The following ANO7 variants were observed in gnomAD, a reference collection of about 807,000 sequenced individuals.
ANO7 encodes anoctamin-7.
In ANO7, 114 loss-of-function variants were observed where a neutral mutation model predicts 115.8. The ratio of observed to expected loss-of-function variants is 0.98; its 90% CI spans 0.85 to 1.15. The LOEUF (loss-of-function observed/expected upper bound fraction) is 1.15. Among genes scored for constraint, ANO7 ranks in the 50% most tolerant of loss-of-function variants. The probability of loss-of-function intolerance (pLI) is 0.00; values close to 1 mark genes in which losing one functional copy is unlikely to be tolerated. For missense variants in ANO7, 1,302 were observed against 1,201.2 expected, an observed-to-expected ratio of 1.08 and a Z score of -1.24; for synonymous variants, 550 against 498.2, an observed-to-expected ratio of 1.10 and a Z score of -1.38.
intron 4 of ANO7, among the ~76,000 whole-genome samples, chr2:241,198,945 G>A (rs2068404624): frequency 6.6e-6 from 1 of 152,234 alleles, no homozygotes; most frequent in Non-Finnish European, 1.5e-5. Flanking sequence ...GACGTTCGAT[G>A]TTGAAAACCA....
At chr2:241,239,471 G>A in the ANO7 span, 3 of 692,390 alleles carry the variant, frequency 4.3e-6, no homozygotes, top group East Asian at 2.6e-5. This position sits in a 1 kb window ranked among gnomAD's most constrained non-coding sequence, Gnocchi z 4.6. Context: ...GCACCAGAAA[G>A]CCCCTTCTGA....
In ANO7 at chr2:241,195,751, A is replaced by G. The variant is rs199644599; in HGVS notation, c.215A>G (p.Gln72Arg). ...GAGGACCTGAAGCTAGACAGGCAGC[A>G]GGACAGTGCCGCCCGGGACAGAACA... Reference protein sequence around the residue: ...WEEDLKLDRQQDSAARDRTDM... With the variant: ...WEEDLKLDRQRDSAARDRTDM... Residue 72 changes from glutamine (Q) to arginine (R), a missense_variant, in exon 4 of 25, where the codon CAG becomes CGG. Coordinates refer to ENST00000674324, the MANE Select transcript of ANO7 (RefSeq NM_001370694.2). The G allele has an allele frequency of 4.4e-5, 71 of 1,614,128 alleles. No individual in the cohort carries two copies. Among genetic ancestry groups the G allele is most frequent in the African/African-American group, 5.3e-5 (4 of 74,942 alleles).
intron 16 of ANO7, 98 bp from the exon 17 acceptor site, chr2:241,212,474 G>A (rs2068738138): frequency 1.5e-6 from 2 of 1,327,386 alleles, no homozygotes; most frequent in Non-Finnish European, 2.1e-6. Flanking sequence ...CTTCCTCCAG[G>A]GCAGGTGCAG....
chr2:241,234,777 C>T, the ANO7 span, among the ~76,000 whole-genome samples: 11 of 152,206 alleles, frequency 7.2e-5, no homozygotes, highest in African/African-American at 1.2e-4. Flanking sequence ...TGGGGGTCCC[C>T]GATGCTCGTC....
intron 5 of ANO7, 29 bp downstream of exon 5, chr2:241,199,452 G>A: frequency 6.2e-7 from 1 of 1,608,206 alleles, no homozygotes; most frequent in African/African-American, 1.3e-5. Context: ...GACAGGGTGG[G>A]CCTGGAGGTC....
intron 10 of ANO7, among the ~76,000 whole-genome samples, chr2:241,206,235 C>A (rs367735028): frequency 3.6e-4 from 6 of 16,618 alleles, no homozygotes; most frequent in Admixed American, 1.7e-3. Context: ...GGAGTGCTCC[C>A]AGGCTGACAG....
At chr2:241,226,642 T>A (rs1253005995), downstream of ANO7, among the ~76,000 whole-genome samples, 1 of 152,094 alleles carries the variant, frequency 6.6e-6, no homozygotes, top group Non-Finnish European at 1.5e-5. Flanking sequence ...GCCAGGATGG[T>A]CTTGATCTCC....
At chr2:241,230,855 C>G (rs2069659827), downstream of ANO7, 1 of 1,614,128 alleles carries the variant, frequency 6.2e-7, no homozygotes. The surrounding 1 kb of genome is among the most constrained non-coding windows in gnomAD (Gnocchi z 5.0). Flanking sequence ...CAGAAACCAT[C>G]TGCTCAAGTT....
At chr2:241,236,906 G>T in the ANO7 span, 1 of 798,964 alleles carries the variant, frequency 1.3e-6, no homozygotes. Flanking sequence ...TGTCCTTCAG[G>T]AGGTCTTGGT....
chr2:241,213,914 G>A (rs766460487), intron 17 of ANO7, among the ~76,000 whole-genome samples: 1 of 152,242 alleles, frequency 6.6e-6, no homozygotes, highest in Admixed American at 6.5e-5. Flanking sequence ...GTGTGGCTGC[G>A]GGTGCCACAA....
chr2:241,239,374 CTCTT>C, the ANO7 span, among the ~76,000 whole-genome samples: 37 of 152,136 alleles, frequency 2.4e-4, no homozygotes, highest in African/African-American at 7.2e-4. The surrounding 1 kb of genome is among the most constrained non-coding windows in gnomAD (Gnocchi z 4.6). Flanking sequence ...CCTTCTCTCT[CTCTT>C]TTTTTTTTTA....
rs527938117 is a variant in ANO7, at chr2:241,216,010, C to T, written c.1827-83C>T. 6.1e-4 allele frequency: 914 copies of T among 1,499,064 alleles called. 9 individuals are homozygous for T. The South Asian group carries it at 0.011, about 18-fold the overall frequency. 92.9% of individuals were successfully genotyped at this position (1,499,064 alleles called of 1,614,324 possible). A position where few individuals can be genotyped will look rare whatever the true frequency, so the allele number is the denominator to read the frequency against. On this transcript the variant is annotated intron_variant, in intron 18 of 24. Transcript: ENST00000674324. Reference sequence around the variant, plus strand: ...CAATTGCAAAGCAACAGGCTTGTCCCGGCCACATCTCCCCCAAGGACTATA... The same window carrying T: ...CAATTGCAAAGCAACAGGCTTGTCCTGGCCACATCTCCCCCAAGGACTATA...
chr2:241,217,549 G>A, intron 19 of ANO7, 137 bp from the exon 20 acceptor site: 1 of 1,011,582 alleles, frequency 9.9e-7, no homozygotes, highest in Non-Finnish European at 1.4e-6. Context: ...GGACGAGGGA[G>A]ACCAGGAGGT....
intron 1 of ANO7, among the ~76,000 whole-genome samples, chr2:241,189,242 C>A (rs760888744): frequency 3.3e-5 from 5 of 152,234 alleles, no homozygotes; most frequent in Non-Finnish European, 7.3e-5. Context: ...CAGGGTTAGG[C>A]AGGTGCAGGC....
rs12620606 is a variant in ANO7 at position 241,214,600 on chromosome 2, A to G, written c.1729-205A>G. Among the ~76,000 whole-genome samples the G allele has an allele frequency of 0.51, 77,161 of 151,974 alleles. 20,382 individuals carry two copies. Among genetic ancestry groups the G allele is most frequent in the East Asian group, 0.79 (4,054 of 5,158 alleles). On this transcript the variant is annotated intron_variant, in intron 17 of 24. Coordinates refer to ENST00000674324, the MANE Select transcript of ANO7 (RefSeq NM_001370694.2). ...TAGCAGTGCCCCCTGCAGCTTTCCA[A>G]TGCAGTCTTCCAGCTGGACCTGGGG...
intron 10 of ANO7, among the ~76,000 whole-genome samples, chr2:241,207,360 T>G (rs992574514): frequency 2.6e-5 from 4 of 152,250 alleles, no homozygotes; most frequent in African/African-American, 9.6e-5. Flanking sequence ...TGTGTTTTAG[T>G]TTATCATGGA....
At chr2:241,211,569 C>G (rs2149225576) in intron 15 of ANO7, among the ~76,000 whole-genome samples, 1 of 152,252 alleles carries the variant, frequency 6.6e-6, no homozygotes, top group South Asian at 2.1e-4. Context: ...TGGTGGGTGG[C>G]CAGGGGAAGG....
At chr2:241,238,544 TC>T in the ANO7 span, 1 of 943,566 alleles carries the variant, frequency 1.1e-6, no homozygotes, top group African/African-American at 1.7e-5. This position sits in a 1 kb window ranked among gnomAD's most constrained non-coding sequence, Gnocchi z 4.9. Context: ...TAGATGGTTT[TC>T]CAGCAGAGAC....
chr2:241,230,580 C>T (rs1436869884), downstream of ANO7, among the ~76,000 whole-genome samples: 1 of 152,254 alleles, frequency 6.6e-6, no homozygotes, highest in Non-Finnish European at 1.5e-5. The surrounding 1 kb of genome is among the most constrained non-coding windows in gnomAD (Gnocchi z 5.0). Flanking sequence ...GGCAGTGCAG[C>T]CTCACACAGG....
Sources: allele counts gnomAD v4.1 joint callset (sites outside exome capture counted in the v4.1 genomes callset), GRCh38; gene constraint gnomAD v4.1.1; non-coding constraint Gnocchi (gnomAD v3.1); transcripts MANE v1.5; gene names NCBI Gene and HGNC (gene_info 2026-07-23, HGNC 2026-07-21).